PTGER3: variants seen among roughly 807,000 people sequenced by gnomAD.
PTGER3 encodes the protein prostaglandin E2 receptor EP3 subtype.
A neutral mutation model predicts 34.7 loss-of-function variants in PTGER3; 22 were observed. The observed-to-expected ratio is 0.63, with a 90% confidence interval of 0.45 to 0.91. The LOEUF is 0.91. Ranked by LOEUF, PTGER3 falls within the 40% of genes least tolerant of loss-of-function variation. PTGER3 has a pLI of 0.00. For synonymous variants in PTGER3, 241 were observed against 230.1 expected (o/e 1.05, Z -0.43); for missense variants, 468 against 519.4 (o/e 0.90, Z 0.96).
In PTGER3 at chr1:70,897,131, C is replaced by A. The variant is rs35184114; in HGVS notation, c.*24-44272G>T. Among the ~76,000 whole-genome samples, 27 of 152,240 alleles carry A rather than the reference C, an allele frequency of 1.8e-4. No homozygotes were observed. The East Asian group carries it at 4.6e-3, about 26-fold the overall frequency. ...ATCAAACAGCCCACCACTCAGCGAT[C>A]TTGAGACCCCGTTCCCCTTTCCTTT... On this transcript the variant is annotated intron_variant, in intron 4 of 4. Coordinates refer to the PTGER3 transcript ENST00000370931.
At chr1:70,901,082 G>C (rs1344006921) in intron 4 of PTGER3, among the ~76,000 whole-genome samples, 1 of 152,172 alleles carries the variant, frequency 6.6e-6, no homozygotes, top group Non-Finnish European at 1.5e-5. Context: ...AACAGGAAGA[G>C]AAAACCCCTT....
At chr1:70,916,221 T>A (rs1048941937) in intron 4 of PTGER3, among the ~76,000 whole-genome samples, 1 of 151,510 alleles carries the variant, frequency 6.6e-6, no homozygotes, top group Admixed American at 6.6e-5. Flanking sequence ...TATTAAAAAG[T>A]CAAAAAACAA....
At chr1:70,928,247 C>A (rs1648320604) in intron 4 of PTGER3, among the ~76,000 whole-genome samples, 1 of 149,456 alleles carries the variant, frequency 6.7e-6, no homozygotes, top group Non-Finnish European at 1.5e-5. Flanking sequence ...GGGCTGAAAA[C>A]TACTGCCTTG....
intron 3 of PTGER3, among the ~76,000 whole-genome samples, chr1:70,972,974 G>C (rs1037782499): frequency 1.3e-5 from 2 of 151,956 alleles, no homozygotes; most frequent in South Asian, 4.1e-4. Context: ...CTGAGCAAAA[G>C]TATAATAAGA....
intron 1 of PTGER3, among the ~76,000 whole-genome samples, chr1:71,032,547 G>T (rs1474506052): frequency 1.3e-5 from 2 of 152,186 alleles, no homozygotes; most frequent in Non-Finnish European, 2.9e-5. Flanking sequence ...CCTAGCCAAA[G>T]AGCTGCAAAG....
At chr1:70,961,714 A>C (rs1374630405) in intron 2 of PTGER3, among the ~76,000 whole-genome samples, 1 of 152,234 alleles carries the variant, frequency 6.6e-6, no homozygotes, top group African/African-American at 2.4e-5. Context: ...TTTCAAAAGC[A>C]CTTTCTCTTT....
At chr1:70,951,377 A>G (rs531870393), downstream of PTGER3, 9 of 152,356 alleles carry the variant, frequency 5.9e-5, 1 homozygote, top group South Asian at 8.3e-4. Context: ...AGGAAAGGTC[A>G]TGTAAGAGTT....
chr1:71,013,641 G>C (rs1657640001), intron 1 of PTGER3, among the ~76,000 whole-genome samples: 1 of 151,454 alleles, frequency 6.6e-6, no homozygotes, highest in African/African-American at 2.4e-5. Context: ...GGTGGAGGTT[G>C]CAGTGAGCCA....
chr1:70,883,929 G>A, intron 4 of PTGER3: 1 of 249,008 alleles, frequency 4.0e-6, no homozygotes, highest in Non-Finnish European at 8.1e-6. Context: ...CAGGCTTGTG[G>A]CGCATGCCTG....
At chr1:70,947,207 T>A (rs1650300738) in intron 4 of PTGER3, among the ~76,000 whole-genome samples, 2 of 152,136 alleles carry the variant, frequency 1.3e-5, no homozygotes. Context: ...GTGATACAGT[T>A]TGGCTGTGTC....
chr1:70,941,116 A>G (rs1404892841), intron 4 of PTGER3, among the ~76,000 whole-genome samples: 1 of 152,192 alleles, frequency 6.6e-6, no homozygotes, highest in African/African-American at 2.4e-5. Flanking sequence ...TTAAATGTCT[A>G]CTTCAATGAC....
chr1:71,036,345 T>C (rs1420366518), intron 1 of PTGER3, among the ~76,000 whole-genome samples: 1 of 151,986 alleles, frequency 6.6e-6, no homozygotes, highest in African/African-American at 2.4e-5. Flanking sequence ...ATACAAGCCT[T>C]AAAAGAAAAC....
At chr1:70,856,797 A>G (rs1166803990) in intron 4 of PTGER3, among the ~76,000 whole-genome samples, 3 of 152,208 alleles carry the variant, frequency 2.0e-5, no homozygotes, top group Non-Finnish European at 4.4e-5. Context: ...TAACAATAGT[A>G]CAATGTCAAA....
At chr1:71,029,926 A>AAAT (rs3044586) in intron 1 of PTGER3, among the ~76,000 whole-genome samples, 24,608 of 143,848 alleles carry the variant, frequency 0.17, 2,446 homozygotes, top group East Asian at 0.38. Flanking sequence ...ACTCCATCTC[A>AAAT]AATAATAATA....
At chr1:70,954,797 T>C (rs1347640004) in intron 2 of PTGER3, among the ~76,000 whole-genome samples, 2 of 152,088 alleles carry the variant, frequency 1.3e-5, no homozygotes, top group African/African-American at 4.8e-5. Context: ...TTTGAAATTC[T>C]GTTTTCTACA....
At chr1:70,939,057 T>C (rs2100534749) in intron 4 of PTGER3, among the ~76,000 whole-genome samples, 1 of 152,236 alleles carries the variant, frequency 6.6e-6, no homozygotes, top group East Asian at 1.9e-4. Flanking sequence ...CAAAGGCAAC[T>C]AGTTACTTCC....
chr1:70,928,381 C>T (rs1426940754), intron 4 of PTGER3, among the ~76,000 whole-genome samples: 1 of 151,412 alleles, frequency 6.6e-6, no homozygotes, highest in African/African-American at 2.4e-5. Context: ...TGCTTACAAT[C>T]CCAACTCTTT....
chr1:70,957,670 C>T (rs772399419), intron 2 of PTGER3, among the ~76,000 whole-genome samples: 3 of 152,008 alleles, frequency 2.0e-5, no homozygotes, highest in Non-Finnish European at 2.9e-5. Flanking sequence ...TTATCATATC[C>T]ATCATTTTAG....
chr1:71,037,235 A>G (rs921792924), intron 1 of PTGER3, among the ~76,000 whole-genome samples: 1 of 152,166 alleles, frequency 6.6e-6, no homozygotes, highest in Admixed American at 6.5e-5. Context: ...GGAACGACTG[A>G]TTATCTACTG....
Sources: allele counts gnomAD v4.1 joint callset (sites outside exome capture counted in the v4.1 genomes callset), GRCh38; gene constraint gnomAD v4.1.1; transcripts MANE v1.5; gene names NCBI Gene and HGNC (gene_info 2026-07-23, HGNC 2026-07-21).